CCNY: variants seen among roughly 807,000 people sequenced by gnomAD.
CCNY encodes the protein cyclin-Y.
In CCNY, 19 loss-of-function variants were observed where a neutral mutation model predicts 42.8. That is an observed-to-expected ratio of 0.44 (90% CI 0.31 to 0.65). The LOEUF (loss-of-function observed/expected upper bound fraction) is 0.65. Among genes scored for constraint, CCNY ranks in the 30% least tolerant of loss-of-function variants. The pLI, the probability that CCNY is intolerant of heterozygous loss-of-function variation, is 0.07. For synonymous variants in CCNY, 165 were observed against 162.7 expected (o/e 1.01, Z -0.11); for missense variants, 370 against 437.3 (o/e 0.85, Z 1.37).
In CCNY at chr10:35,418,755, C is replaced by CA. The variant is rs920284600; in HGVS notation, c.155-64648dup. 2.6e-5 allele frequency among the ~76,000 whole-genome samples: 4 copies of CA among 152,154 alleles called. No homozygotes were observed. In the East Asian group the frequency reaches 5.8e-4, roughly 22 times the overall value. ...ATGAACCCTGGCCCTGTTGCTTGCT[C>CA]ATGTGAGGTGTGATGTAGGCGGTTT... On this transcript the variant is annotated intron_variant, in intron 1 of 9. Coordinates refer to ENST00000374704, the MANE Select transcript of CCNY (RefSeq NM_145012.6).
intron 8 of CCNY, among the ~76,000 whole-genome samples, chr10:35,562,227 G>A (rs1189163261): frequency 1.3e-5 from 2 of 152,186 alleles, no homozygotes; most frequent in Non-Finnish European, 2.9e-5. Flanking sequence ...GCATTGCATG[G>A]CACAGAAGGT....
At chr10:35,275,877 C>T (rs186331959) in intron 3 of CCNY, among the ~76,000 whole-genome samples, 1 of 152,334 alleles carries the variant, frequency 6.6e-6, no homozygotes, top group Non-Finnish European at 1.5e-5. Flanking sequence ...ACGGCCCCAG[C>T]CACCGCCGGT....
intron 1 of CCNY, among the ~76,000 whole-genome samples, chr10:35,376,063 C>T (rs1203163506): frequency 1.3e-5 from 2 of 152,156 alleles, no homozygotes; most frequent in African/African-American, 4.8e-5. Context: ...GGTATTCTGT[C>T]TCTAAGCCTG....
intron 3 of CCNY, among the ~76,000 whole-genome samples, chr10:35,271,090 T>TC (rs1238356606): frequency 6.6e-6 from 1 of 152,170 alleles, no homozygotes; most frequent in East Asian, 1.9e-4. Flanking sequence ...GGATTAGAAG[T>TC]CACGCTCTGT....
At chr10:35,372,834 G>GA (rs1226796237) in intron 1 of CCNY, among the ~76,000 whole-genome samples, 15 of 152,146 alleles carry the variant, frequency 9.9e-5, no homozygotes, top group Non-Finnish European at 1.3e-4. Flanking sequence ...CGAGCAGCTG[G>GA]CGTTACAGGC....
intron 3 of CCNY, among the ~76,000 whole-genome samples, chr10:35,299,597 G>A (rs1835509617): frequency 1.3e-5 from 2 of 152,084 alleles, no homozygotes; most frequent in South Asian, 4.1e-4. Context: ...CCTTTCTTAT[G>A]TCTCATGTTT....
intron 1 of CCNY, among the ~76,000 whole-genome samples, chr10:35,386,433 G>C (rs1393113239): frequency 6.6e-6 from 1 of 152,200 alleles, no homozygotes; most frequent in South Asian, 2.1e-4. Flanking sequence ...AGTTAGACTT[G>C]ATTGTTCTTT....
chr10:35,329,037 C>T (rs1835910877), intron 3 of CCNY, among the ~76,000 whole-genome samples: 1 of 152,172 alleles, frequency 6.6e-6, no homozygotes, highest in African/African-American at 2.4e-5. Flanking sequence ...ATGGAAATTT[C>T]TCCAATTACA....
Position 35,365,284 on chromosome 10 carries a change from T to C in CCNY, c.154+28077T>C, listed in dbSNP as rs924965078. Among the ~76,000 whole-genome samples, 3 of 152,348 alleles carry C rather than the reference T, an allele frequency of 2.0e-5. No individual in the cohort carries two copies. The East Asian group carries it at 5.8e-4, about 29-fold the overall frequency. ...TGATACTCAGCTAGAGAAGAAGATG[T>C]ATTTATATTTAACTTGTCCTCATGA... On this transcript the variant is annotated intron_variant, in intron 1 of 9. Transcript: ENST00000374704.
chr10:35,364,297 A>G (rs2504356), intron 1 of CCNY, among the ~76,000 whole-genome samples: 57,035 of 151,860 alleles, frequency 0.38, 10,909 homozygotes, highest in African/African-American at 0.43. Flanking sequence ...ATTCAAATAT[A>G]TAGATTTAAC....
In CCNY at chr10:35,307,810, ATATATATAT is replaced by A. The variant is rs1835629892; in HGVS notation, c.-9+57186_-9+57194del. 9.8e-5 allele frequency among the ~76,000 whole-genome samples: 7 copies of A among 71,406 alleles called. No homozygotes were observed. The Admixed American group carries it at 1.2e-3, about 13-fold the overall frequency. The allele number at this position is 71,406 out of a possible 152,430, so 46.8% of individuals were successfully genotyped here. ...TGTGTGTGTGTGTGTGTATATATAT[ATATATATAT>A]TTTTTTTTTTTTTTCTGAGATGGAG... On this transcript the variant is annotated intron_variant, in intron 3 of 11. Transcript: ENST00000374706.
At chr10:35,428,079 C>G (rs1838308089) in intron 1 of CCNY, among the ~76,000 whole-genome samples, 1 of 152,106 alleles carries the variant, frequency 6.6e-6, no homozygotes, top group Admixed American at 6.5e-5. Context: ...TTATGCTGTC[C>G]TTTCATTCAT....
chr10:35,373,321 G>A (rs1409390978), intron 1 of CCNY, among the ~76,000 whole-genome samples: 2 of 152,194 alleles, frequency 1.3e-5, no homozygotes, highest in Non-Finnish European at 2.9e-5. Flanking sequence ...TGACTCCATT[G>A]TAGGTGCTTA....
intron 3 of CCNY, among the ~76,000 whole-genome samples, chr10:35,301,885 G>A (rs554810001): frequency 6.6e-6 from 1 of 152,110 alleles, no homozygotes; most frequent in East Asian, 1.9e-4. Context: ...TGCCCGCCTC[G>A]GCCTCCCAAA....
intron 1 of CCNY, among the ~76,000 whole-genome samples, chr10:35,340,591 A>G (rs1285973187): frequency 6.3e-5 from 9 of 142,334 alleles, no homozygotes; most frequent in Non-Finnish European, 1.2e-4. Context: ...TGCAACCTCC[A>G]CCTCCCGGGT....
At chr10:35,396,877 T>C (rs1223972780) in intron 1 of CCNY, among the ~76,000 whole-genome samples, 1 of 152,200 alleles carries the variant, frequency 6.6e-6, no homozygotes, top group Non-Finnish European at 1.5e-5. Flanking sequence ...GCAGGATTCC[T>C]CTAAGCTCTG....
chr10:35,380,150 G>T (rs1837147589), intron 1 of CCNY, among the ~76,000 whole-genome samples: 1 of 152,198 alleles, frequency 6.6e-6, no homozygotes. Flanking sequence ...TAAGGAGGCT[G>T]CCAGGTACCA....
chr10:35,436,047 A>G (rs1459950301), intron 1 of CCNY, among the ~76,000 whole-genome samples: 1 of 152,160 alleles, frequency 6.6e-6, no homozygotes, highest in East Asian at 1.9e-4. Flanking sequence ...AGACAGTTTC[A>G]GGTGGAGAGA....
intron 3 of CCNY, among the ~76,000 whole-genome samples, chr10:35,320,621 C>A (rs1462673604): frequency 6.6e-6 from 1 of 151,936 alleles, no homozygotes; most frequent in African/African-American, 2.4e-5. Context: ...CTAGCCAGTA[C>A]AATAGGCAAG....
Sources: gnomAD v4.1 joint callset for allele counts (sites outside exome capture counted in the v4.1 genomes callset) on GRCh38, gnomAD v4.1.1 for gene constraint, MANE v1.5 for transcripts, NCBI Gene and HGNC (gene_info 2026-07-23, HGNC 2026-07-21) for gene names.